Variants in CEP128 observed in about 807,000 individuals in gnomAD.
The protein encoded by CEP128 is centrosomal protein 128kDa.
A neutral mutation model predicts 156.7 loss-of-function variants in CEP128; 132 were observed. That is an observed-to-expected ratio of 0.84 (90% CI 0.73 to 0.97). The LOEUF (loss-of-function observed/expected upper bound fraction) is 0.97, where lower values mean the gene tolerates loss of function less well. CEP128 is among the 50% of genes least tolerant of loss of function. The pLI is 0.00. For missense variants in CEP128, 1,252 were observed against 1,281.9 expected, an observed-to-expected ratio of 0.98 and a Z score of 0.36; for synonymous variants, 469 against 448.9, an observed-to-expected ratio of 1.04 and a Z score of -0.57.
chr14:80,717,604 G>T (rs1373102128), intron 19 of CEP128, among the ~76,000 whole-genome samples: 2 of 151,964 alleles, frequency 1.3e-5, no homozygotes, highest in African/African-American at 4.8e-5. Context: ...AGATTGTTAA[G>T]GTGCAAAGGT....
chr14:80,536,014 G>C (rs1212165299), intron 21 of CEP128, among the ~76,000 whole-genome samples: 1 of 152,226 alleles, frequency 6.6e-6, no homozygotes, highest in African/African-American at 2.4e-5. Context: ...CAAAGAGTAA[G>C]CTGTCAGTTT....
rs117167784 is a variant in CEP128 at position 80,680,899 on chromosome 14, C to T, written c.2806+62176G>A. Among the ~76,000 whole-genome samples the T allele has an allele frequency of 2.7e-3, 407 of 152,254 alleles. 2 individuals carry two copies. Among genetic ancestry groups the T allele is most frequent in the Non-Finnish European group, 4.0e-3 (274 of 68,014 alleles). On this transcript the variant is annotated intron_variant, in intron 19 of 24. Transcript: ENST00000555265. ...TGTCAATCATGCCCAACAACCCCCA[C>T]CAGTGCTGAGCAGAGAGCTCAGACC...
intron 16 of CEP128, among the ~76,000 whole-genome samples, chr14:80,773,607 G>T (rs1900632239): frequency 6.6e-6 from 1 of 152,038 alleles, no homozygotes; most frequent in Non-Finnish European, 1.5e-5. Flanking sequence ...ATTACATAGG[G>T]TGCAGATCCA....
At chr14:80,714,718 A>G (rs906224577) in intron 19 of CEP128, among the ~76,000 whole-genome samples, 4 of 151,924 alleles carry the variant, frequency 2.6e-5, no homozygotes, top group Admixed American at 1.3e-4. Flanking sequence ...CTCCCCATCC[A>G]TCATACTCTC....
At chr14:80,479,074 C>T (rs1051434153) in intron 14 of CEP128, among the ~76,000 whole-genome samples, 2 of 152,142 alleles carry the variant, frequency 1.3e-5, no homozygotes, top group Non-Finnish European at 2.9e-5. Context: ...TGTAAGTCTC[C>T]TAACAGCTCT....
At chr14:80,900,556 A>G (rs943909206) in intron 6 of CEP128, among the ~76,000 whole-genome samples, 1 of 152,196 alleles carries the variant, frequency 6.6e-6, no homozygotes, top group Non-Finnish European at 1.5e-5. Flanking sequence ...ACTCTTCCTC[A>G]TGTACACTTG....
chr14:80,858,617 A>G (rs1351027705), intron 9 of CEP128, among the ~76,000 whole-genome samples: 13 of 144,694 alleles, frequency 9.0e-5, no homozygotes, highest in East Asian at 2.0e-4. Flanking sequence ...GCAACCTACA[A>G]AATGGGAGAA....
chr14:80,740,773 G>GA (rs1898793193), intron 19 of CEP128, among the ~76,000 whole-genome samples: 1 of 152,054 alleles, frequency 6.6e-6, no homozygotes, highest in African/African-American at 2.4e-5. Flanking sequence ...CTTTGACAAT[G>GA]GCTTATTTCA....
chr14:80,640,998 T>C (rs1163485635), intron 19 of CEP128, among the ~76,000 whole-genome samples: 1 of 152,228 alleles, frequency 6.6e-6, no homozygotes, highest in African/African-American at 2.4e-5. Flanking sequence ...AATTGCTTCC[T>C]AGCTACTTTG....
At chr14:80,766,064 C>G (rs1250958123) in intron 16 of CEP128, among the ~76,000 whole-genome samples, 4 of 152,112 alleles carry the variant, frequency 2.6e-5, no homozygotes, top group Admixed American at 2.6e-4. Context: ...TCAGAATAGA[C>G]CACAAAATCA....
At chr14:80,553,881 C>A (rs766393653) in intron 21 of CEP128, among the ~76,000 whole-genome samples, 1 of 152,120 alleles carries the variant, frequency 6.6e-6, no homozygotes, top group African/African-American at 2.4e-5. Flanking sequence ...ACTGCACTGG[C>A]TAGGCCCTTC....
Position 80,906,074 on chromosome 14 carries a change from T to C in CEP128, c.242A>G (p.Glu81Gly). Reference protein sequence around the residue: ...GQAGAIEHLKESLEQSIDQLR... With the variant: ...GQAGAIEHLKGSLEQSIDQLR... ...TTGGTCGATTGATTGTTCCAAGCTT[T>C]CTTTTAACTAATTTAAAGAATATAA... The change falls in exon 5 of 25, where the codon GAA (glutamate) becomes GGA (glycine). Residue 81 changes from glutamate to glycine, a missense_variant. Transcript: ENST00000555265. 2 of 1,592,328 alleles carry C rather than the reference T, an allele frequency of 1.3e-6. No homozygotes were observed. The highest frequency in any genetic ancestry group is 1.7e-6 in the Non-Finnish European group (2 of 1,173,492).
At chr14:80,585,321 C>T (rs1054561533) in intron 19 of CEP128, among the ~76,000 whole-genome samples, 1 of 152,334 alleles carries the variant, frequency 6.6e-6, no homozygotes, top group Non-Finnish European at 1.5e-5. Context: ...AACCAGTGAT[C>T]TGGCTGTTTA....
At chr14:80,778,961 AATC>A (rs1405847372) in intron 15 of CEP128, among the ~76,000 whole-genome samples, 1 of 152,218 alleles carries the variant, frequency 6.6e-6, no homozygotes, top group Non-Finnish European at 1.5e-5. Flanking sequence ...AAAGCAAGCT[AATC>A]ACTTGCCCAA....
At chr14:80,678,064 G>GTGTA (rs1896158877) in intron 19 of CEP128, among the ~76,000 whole-genome samples, 1 of 27,446 alleles carries the variant, frequency 3.6e-5, no homozygotes, top group African/African-American at 9.4e-5. Context: ...ATATATATAT[G>GTGTA]TATATATATA....
intron 19 of CEP128, among the ~76,000 whole-genome samples, chr14:80,723,355 C>G (rs895435256): frequency 2.0e-5 from 3 of 152,108 alleles, no homozygotes; most frequent in Non-Finnish European, 4.4e-5. Flanking sequence ...TCGCTTCCAC[C>G]CAAATCAAAG....
At chr14:80,548,860 T>C (rs1890096814) in intron 21 of CEP128, among the ~76,000 whole-genome samples, 1 of 152,210 alleles carries the variant, frequency 6.6e-6, no homozygotes, top group South Asian at 2.1e-4. Context: ...ACCTTTCCTA[T>C]GTTATCATGT....
At chr14:80,540,735 G>A (rs1426948198) in intron 21 of CEP128, among the ~76,000 whole-genome samples, 1 of 152,164 alleles carries the variant, frequency 6.6e-6, no homozygotes, top group Non-Finnish European at 1.5e-5. Context: ...GGAGTGCTGT[G>A]TGAGGGGAAG....
intron 19 of CEP128, among the ~76,000 whole-genome samples, chr14:80,705,730 CTG>C (rs1897221131): frequency 1.3e-5 from 2 of 152,154 alleles, no homozygotes; most frequent in East Asian, 3.9e-4. Flanking sequence ...GGCAGCCATC[CTG>C]TGAGGAAGTG....
Sources: allele counts gnomAD v4.1 joint callset (sites outside exome capture counted in the v4.1 genomes callset), GRCh38; gene constraint gnomAD v4.1.1; transcripts MANE v1.5; gene names NCBI Gene and HGNC (gene_info 2026-07-23, HGNC 2026-07-21).